Variants in DCP1B observed in about 807,000 individuals in gnomAD.
DCP1B encodes the protein decapping mRNA 1B.
DCP1B carries 47 observed loss-of-function variants against 60.5 expected under a neutral mutation model. The observed-to-expected ratio is 0.78, with a 90% CI of 0.61 to 0.99. The LOEUF (loss-of-function observed/expected upper bound fraction) is 0.99. DCP1B is among the 50% of genes least tolerant of loss of function. The probability of loss-of-function intolerance (pLI) is 0.00; values close to 1 mark genes in which losing one functional copy is unlikely to be tolerated. For missense variants in DCP1B, 725 were observed against 756.8 expected (o/e 0.96, Z 0.49); for synonymous variants, 267 against 280.3 (o/e 0.95, Z 0.47).
intron 5 of DCP1B, among the ~76,000 whole-genome samples, chr12:1,956,058 C>T (rs2030875125): frequency 6.6e-6 from 1 of 152,180 alleles, no homozygotes; most frequent in Non-Finnish European, 1.5e-5. Flanking sequence ...TTAAAAATTA[C>T]TAACATCATC....
chr12:1,967,030 A>G (rs1263517117), intron 4 of DCP1B, among the ~76,000 whole-genome samples: 1 of 152,220 alleles, frequency 6.6e-6, no homozygotes, highest in African/African-American at 2.4e-5. Flanking sequence ...CAGCACGTGC[A>G]GGAAACTCAT....
chr12:1,957,780 A>T (rs1439418520), intron 5 of DCP1B, among the ~76,000 whole-genome samples: 1 of 152,264 alleles, frequency 6.6e-6, no homozygotes, highest in Non-Finnish European at 1.5e-5. Context: ...TTCTCAAAAG[A>T]GAATGCACAA....
chr12:1,952,361 C>A (rs2030707356), intron 7 of DCP1B, 55 bp downstream of exon 7: 9 of 1,424,804 alleles, frequency 6.3e-6, no homozygotes, highest in Middle Eastern at 2.7e-4. Flanking sequence ...TTTTTAGGGA[C>A]AGGATCTTGC....
chr12:2,002,013 G>A (rs1462871910), intron 1 of DCP1B, among the ~76,000 whole-genome samples: 2 of 152,188 alleles, frequency 1.3e-5, no homozygotes, highest in African/African-American at 4.8e-5. Context: ...GGAGGCGGGG[G>A]GCAGTCTTTC....
rs139043846 is a variant in DCP1B at position 1,958,262 on chromosome 12, G to A, written c.523-2702C>T. 3.5e-3 allele frequency among the ~76,000 whole-genome samples: 514 copies of A among 148,168 alleles called. 4 individuals carry two copies. The highest frequency in any genetic ancestry group is 0.012 in the African/African-American group (489 of 40,326). ...GGAAACAGGGGAAAAGCTCCCCAAC[G>A]TTGCTCTGGGTAATGACTTTTTCTA... On this transcript the variant is annotated intron_variant, in intron 5 of 8. Transcript: ENST00000280665.
At chr12:1,981,338 T>C (rs925422416) in intron 3 of DCP1B, among the ~76,000 whole-genome samples, 1 of 152,220 alleles carries the variant, frequency 6.6e-6, no homozygotes, top group African/African-American at 2.4e-5. Context: ...CAGCCATAGC[T>C]TTGAATAAAG....
At chr12:1,945,335 G>A (rs2030382471), downstream of DCP1B, among the ~76,000 whole-genome samples, 1 of 152,208 alleles carries the variant, frequency 6.6e-6, no homozygotes, top group Non-Finnish European at 1.5e-5. Context: ...TGTTGGGAGT[G>A]TAAATTAGTT....
At chr12:1,970,029 A>G (rs2031822647) in intron 3 of DCP1B, among the ~76,000 whole-genome samples, 1 of 152,202 alleles carries the variant, frequency 6.6e-6, no homozygotes, top group Non-Finnish European at 1.5e-5. Context: ...AATAGGCTCT[A>G]TTAATAAGAA....
intron 3 of DCP1B, among the ~76,000 whole-genome samples, chr12:1,980,899 C>T: frequency 6.6e-6 from 1 of 151,806 alleles, no homozygotes; most frequent in East Asian, 1.9e-4. Flanking sequence ...TCTTAAATAT[C>T]AAATCACAAT....
At chr12:1,950,964 G>A (rs1031644414) in intron 7 of DCP1B, among the ~76,000 whole-genome samples, 3 of 152,140 alleles carry the variant, frequency 2.0e-5, no homozygotes, top group Non-Finnish European at 2.9e-5. Flanking sequence ...CAAGATTTTT[G>A]AGAAACTGTT....
In DCP1B at chr12:1,958,590, G is replaced by A. The variant is rs568056688; in HGVS notation, c.523-3030C>T. Among the ~76,000 whole-genome samples the A allele has an allele frequency of 1.4e-4, 21 of 148,710 alleles. No individual in the cohort carries two copies. The South Asian group carries it at 3.4e-3, about 24-fold the overall frequency. On this transcript the variant is annotated intron_variant, in intron 5 of 8. Transcript: ENST00000280665. Reference sequence around the variant, plus strand: ...GACAGGGGAAAAGCTCCCTAACGTCGCTCTGGGCAATGACTTTTTCTATAA... The same window carrying A: ...GACAGGGGAAAAGCTCCCTAACGTCACTCTGGGCAATGACTTTTTCTATAA...
rs2154477608 is a variant in DCP1B, at chr12:1,997,991, A to G, written c.151-16T>C. On this transcript the variant is annotated splice_polypyrimidine_tract_variant and intron_variant, in intron 1 of 8. Transcript: ENST00000280665. ...CAGTTTTCTCCTAAACAATAAAAAC[A>G]AAACACACAAGACATGTATGTTCTC... 2 of 1,606,860 alleles carry G rather than the reference A, an allele frequency of 1.2e-6. No individual in the cohort carries two copies. Among genetic ancestry groups the G allele is most frequent in the East Asian group, 2.2e-5 (1 of 44,706 alleles).
rs531055200 is a variant in DCP1B at position 1,973,091 on chromosome 12, T to A, written c.320-5181A>T. Among the ~76,000 whole-genome samples, 13 of 152,340 alleles carry A rather than the reference T, an allele frequency of 8.5e-5. No individual in the cohort carries two copies. The East Asian group carries it at 2.5e-3, about 29-fold the overall frequency. Reference sequence around the variant, plus strand: ...ATGCCTTTAAAGTAATGTTCTTCCATTCACCTTCTGCGTTAGCTTTACTGA... The same window carrying A: ...ATGCCTTTAAAGTAATGTTCTTCCAATCACCTTCTGCGTTAGCTTTACTGA... On this transcript the variant is annotated intron_variant, in intron 3 of 8. Coordinates refer to ENST00000280665, the MANE Select transcript of DCP1B (RefSeq NM_152640.5).
At chr12:1,980,838 T>C (rs1184882885) in intron 3 of DCP1B, among the ~76,000 whole-genome samples, 1 of 152,024 alleles carries the variant, frequency 6.6e-6, no homozygotes, top group African/African-American at 2.4e-5. Context: ...AGATGTGGCC[T>C]GTTTTCATGT....
At chr12:1,959,803 CA>C (rs1295206905) in intron 5 of DCP1B, among the ~76,000 whole-genome samples, 3 of 151,878 alleles carry the variant, frequency 2.0e-5, no homozygotes, top group African/African-American at 7.2e-5. Flanking sequence ...ACTAAAAATA[CA>C]AAAAAATTAT....
intron 3 of DCP1B, among the ~76,000 whole-genome samples, chr12:1,977,070 A>C (rs2034617137): frequency 6.6e-6 from 1 of 152,210 alleles, no homozygotes; most frequent in African/African-American, 2.4e-5. Flanking sequence ...TTACTTGGTA[A>C]TAAATTTACA....
At chr12:1,981,952 G>A (rs2036268845) in intron 3 of DCP1B, among the ~76,000 whole-genome samples, 1 of 152,234 alleles carries the variant, frequency 6.6e-6, no homozygotes, top group Admixed American at 6.5e-5. Context: ...CATTAGGCAA[G>A]CGTGCAAGAG....
chr12:1,949,360 A>G lies in DCP1B; in HGVS notation c.1525-26T>C, dbSNP rs142950271. On this transcript the variant is annotated intron_variant, in intron 7 of 8. Coordinates refer to ENST00000280665, the MANE Select transcript of DCP1B (RefSeq NM_152640.5). ...CTGCTCACAGCAAATACACACAGAG[A>G]GCGGGGTTCAGGAGCAGCTCACGGC... 2,687 of 1,607,782 alleles carry G rather than the reference A, an allele frequency of 1.7e-3. 45 individuals are homozygous for G. In the African/African-American group the frequency reaches 0.032, roughly 19 times the overall value.
chr12:1,957,713 G>A (rs1232224452), intron 5 of DCP1B, among the ~76,000 whole-genome samples: 1 of 152,220 alleles, frequency 6.6e-6, no homozygotes, highest in Non-Finnish European at 1.5e-5. Flanking sequence ...GAGATAAAAA[G>A]AGATGAAATG....
Sources: allele counts gnomAD v4.1 joint callset (sites outside exome capture counted in the v4.1 genomes callset), GRCh38; gene constraint gnomAD v4.1.1; transcripts MANE v1.5; gene names NCBI Gene and HGNC (gene_info 2026-07-23, HGNC 2026-07-21).